Variants in ADARB2 observed in about 807,000 individuals in gnomAD.
The protein encoded by ADARB2 is inactive double-stranded RNA-specific editase B2.
Under a neutral mutation model 62.2 loss-of-function variants are expected in ADARB2, and 25 were observed. The ratio of observed to expected loss-of-function variants is 0.40; its 90% confidence interval spans 0.29 to 0.56. ADARB2 has a LOEUF of 0.56. Ranked by LOEUF, ADARB2 falls within the 20% of genes least tolerant of loss-of-function variation. The probability of loss-of-function intolerance (pLI) is 0.43; values close to 1 mark genes in which losing one functional copy is unlikely to be tolerated. For missense variants in ADARB2, 1,071 were observed against 1,077.4 expected (o/e 0.99, Z 0.08); for synonymous variants, 572 against 500.8 (o/e 1.14, Z -1.90).
intron 3 of ADARB2, chr10:1,360,965 G>GC (rs942851780): frequency 6.6e-6 from 1 of 152,436 alleles, no homozygotes; most frequent in Non-Finnish European, 1.5e-5. Context: ...TGAGTGGGAC[G>GC]CAGGAGGGGG....
Position 1,588,297 on chromosome 10 carries a change from A to G in ADARB2, c.100+148754T>C, listed in dbSNP as rs560327663. ...TATCTTCCTCTATTCCCATTTTGAG[A>G]TACCCCGGATGCTATGTCAAGGTGG... On this transcript the variant is annotated intron_variant, in intron 1 of 9. Coordinates refer to ENST00000381312, the MANE Select transcript of ADARB2 (RefSeq NM_018702.4). 3.7e-3 allele frequency among the ~76,000 whole-genome samples: 565 copies of G among 152,260 alleles called. 2 individuals are homozygous for G. Among genetic ancestry groups the G allele is most frequent in the Non-Finnish European group, 5.7e-3 (388 of 68,026 alleles).
At chr10:1,383,028 C>T (rs895374110) in intron 1 of ADARB2, among the ~76,000 whole-genome samples, 3 of 152,180 alleles carry the variant, frequency 2.0e-5, no homozygotes, top group Admixed American at 6.5e-5. Flanking sequence ...GTCTGATGGC[C>T]GTTTTTAATG....
intron 1 of ADARB2, among the ~76,000 whole-genome samples, chr10:1,500,977 C>T (rs936419158): frequency 2.0e-5 from 3 of 152,178 alleles, no homozygotes; most frequent in African/African-American, 2.4e-5. Flanking sequence ...CAGGTTCAAG[C>T]GATTCTCCTG....
At chr10:1,635,053 AGTAAGT>A (rs1471930470) in intron 1 of ADARB2, among the ~76,000 whole-genome samples, 4 of 152,268 alleles carry the variant, frequency 2.6e-5, no homozygotes, top group Admixed American at 6.5e-5. Context: ...TATTAACTAA[AGTAAGT>A]GTATTTGTGA....
chr10:1,353,165 C>T (rs1832160260), intron 3 of ADARB2, among the ~76,000 whole-genome samples: 1 of 152,222 alleles, frequency 6.6e-6, no homozygotes, highest in Admixed American at 6.5e-5. Flanking sequence ...ACTGGCAACT[C>T]TTAAGTCCCT....
At chr10:1,678,145 G>T (rs776986829) in intron 1 of ADARB2, 27 of 985,178 alleles carry the variant, frequency 2.7e-5, no homozygotes, top group Non-Finnish European at 3.1e-5. Flanking sequence ...GATGGCAGGG[G>T]CTTGGCTGAG....
At chr10:1,519,878 C>G (rs751513041) in intron 1 of ADARB2, among the ~76,000 whole-genome samples, 4 of 152,150 alleles carry the variant, frequency 2.6e-5, no homozygotes, top group Admixed American at 1.3e-4. Context: ...TTCCTTGAAA[C>G]AGTAACCATA....
intron 3 of ADARB2, among the ~76,000 whole-genome samples, chr10:1,306,130 C>CA: frequency 6.6e-6 from 1 of 150,664 alleles, no homozygotes; most frequent in Non-Finnish European, 1.5e-5. Context: ...TCCCTGTTTG[C>CA]AGATGACATG....
chr10:1,688,404 C>T (rs1365584429), intron 1 of ADARB2, among the ~76,000 whole-genome samples: 1 of 152,244 alleles, frequency 6.6e-6, no homozygotes, highest in Non-Finnish European at 1.5e-5. Flanking sequence ...CCATTCCAAG[C>T]TCCAGACCTT....
intron 1 of ADARB2, among the ~76,000 whole-genome samples, chr10:1,632,707 A>G (rs1172271687): frequency 2.0e-5 from 3 of 152,254 alleles, no homozygotes; most frequent in Non-Finnish European, 4.4e-5. Context: ...GTGGGACTGC[A>G]TGAAGTGGCA....
intron 1 of ADARB2, among the ~76,000 whole-genome samples, chr10:1,507,521 A>G (rs1831867788): frequency 6.6e-6 from 1 of 152,210 alleles, no homozygotes; most frequent in Admixed American, 6.5e-5. Context: ...TACTACGTGA[A>G]TCTGACGACT....
intron 9 of ADARB2, among the ~76,000 whole-genome samples, chr10:1,184,411 G>T (rs1449055003): frequency 6.6e-6 from 1 of 152,200 alleles, no homozygotes; most frequent in Non-Finnish European, 1.5e-5. Flanking sequence ...TCGTGGAAAT[G>T]CTTGGGCTTT....
At chr10:1,523,003 G>A (rs1020844056) in intron 1 of ADARB2, among the ~76,000 whole-genome samples, 1 of 152,054 alleles carries the variant, frequency 6.6e-6, no homozygotes, top group Admixed American at 6.6e-5. Context: ...GTTTCAAATC[G>A]TTATCTCCTT....
chr10:1,698,760 T>C (rs777517871), intron 1 of ADARB2, among the ~76,000 whole-genome samples: 17 of 152,086 alleles, frequency 1.1e-4, no homozygotes, highest in Non-Finnish European at 1.5e-4. Flanking sequence ...TTTTAAAAAA[T>C]TTATTATTAT....
chr10:1,517,631 T>G (rs1832021867), intron 1 of ADARB2, among the ~76,000 whole-genome samples: 1 of 152,224 alleles, frequency 6.6e-6, no homozygotes, highest in Admixed American at 6.5e-5. Flanking sequence ...GTCACCTCGC[T>G]TAATAATGAG....
At chr10:1,367,788 G>C (rs1387985015) in intron 2 of ADARB2, among the ~76,000 whole-genome samples, 1 of 152,206 alleles carries the variant, frequency 6.6e-6, no homozygotes, top group Non-Finnish European at 1.5e-5. Flanking sequence ...GTTATTGCAT[G>C]ACCTTTGCTG....
Position 1,417,250 on chromosome 10 carries a change from A to T in ADARB2, c.101-38090T>A, listed in dbSNP as rs1385662132. ...GAAGTGTAGACCAAGACAGTCAAGAAGTATAGACTAGATGGTCAGGATATG... is the reference window on the plus strand; with the variant it reads ...GAAGTGTAGACCAAGACAGTCAAGATGTATAGACTAGATGGTCAGGATATG... On this transcript the variant is annotated intron_variant, in intron 1 of 9. Transcript: ENST00000381312. 3.9e-5 allele frequency among the ~76,000 whole-genome samples: 6 copies of T among 152,030 alleles called. No individual in the cohort carries two copies. In the East Asian group the frequency reaches 9.6e-4, roughly 24 times the overall value.
intron 1 of ADARB2, among the ~76,000 whole-genome samples, chr10:1,694,340 C>A (rs1834711003): frequency 1.3e-5 from 2 of 152,206 alleles, no homozygotes; most frequent in Non-Finnish European, 2.9e-5. Context: ...TTTAGCTAAT[C>A]CATTGCCTTG....
Position 1,185,059 on chromosome 10 carries a change from A to G in ADARB2, c.1865-20T>C. 1 of 1,604,042 alleles carries G rather than the reference A, an allele frequency of 6.2e-7. No homozygotes were observed. Among genetic ancestry groups the G allele is most frequent in the Non-Finnish European group, 8.5e-7 (1 of 1,174,462 alleles). On this transcript the variant is annotated intron_variant, in intron 8 of 9. Transcript: ENST00000381312. ...TCACGCCTGTCGGGGAGATGGGGAA[A>G]GGCGGGCGTTAATATTCCTGGCCTC...
Sources: allele counts gnomAD v4.1 joint callset (sites outside exome capture counted in the v4.1 genomes callset), GRCh38; gene constraint gnomAD v4.1.1; transcripts MANE v1.5; gene names NCBI Gene and HGNC (gene_info 2026-07-23, HGNC 2026-07-21).